Variants in TMEM108 observed in about 807,000 individuals in gnomAD.
TMEM108 encodes the protein transmembrane protein 108.
In TMEM108, 12 loss-of-function variants were observed where a neutral mutation model predicts 35.1. The ratio of observed to expected loss-of-function variants is 0.34; its 90% CI spans 0.22 to 0.55. TMEM108 has a LOEUF of 0.55. Ranked by LOEUF, TMEM108 falls within the 20% of genes least tolerant of loss-of-function variation. TMEM108 has a pLI of 0.89. For missense variants in TMEM108, 680 were observed against 753.3 expected (o/e 0.90, Z 1.14); for synonymous variants, 287 against 308.6 (o/e 0.93, Z 0.73).
intron 2 of TMEM108, among the ~76,000 whole-genome samples, chr3:133,218,782 A>G (rs1039862667): frequency 1.3e-5 from 2 of 152,030 alleles, no homozygotes; most frequent in Admixed American, 6.6e-5. Context: ...TTTGTTTGCA[A>G]GCATTTTGTT....
intron 3 of TMEM108, among the ~76,000 whole-genome samples, chr3:133,250,251 C>A (rs1010310452): frequency 1.3e-5 from 2 of 152,102 alleles, no homozygotes; most frequent in Non-Finnish European, 2.9e-5. Flanking sequence ...CCTAAGACAA[C>A]AAGACCAACC....
chr3:133,396,150 TA>T lies in TMEM108; in HGVS notation c.*178del, dbSNP rs5852749. ...CAACATCTTTTTTACAAGTGTGGTT[TA>T]AAAAAAAAAAAAACTTTACAGAATG... On this transcript the variant is annotated 3_prime_UTR_variant, in exon 6 of 6. Transcript: ENST00000321871. 0.77 allele frequency: 166,670 copies of T among 217,710 alleles called. 60,551 individuals are homozygous for T. The highest frequency in any genetic ancestry group is 0.89 in the Admixed American group (14,493 of 16,232). 13.5% of individuals were successfully genotyped at this position (217,710 alleles called of 1,614,324 possible).
At chr3:133,265,180 A>T (rs200363517) in intron 3 of TMEM108, among the ~76,000 whole-genome samples, 1 of 152,242 alleles carries the variant, frequency 6.6e-6, no homozygotes, top group Non-Finnish European at 1.5e-5. Flanking sequence ...TCTGCTAGGA[A>T]TCATCATAGC....
chr3:133,057,422 TGTG>T (rs1213891085), intron 2 of TMEM108, among the ~76,000 whole-genome samples: 1 of 43,982 alleles, frequency 2.3e-5, no homozygotes, highest in Non-Finnish European at 4.8e-5. Context: ...GGCTATTAGT[TGTG>T]TGTGTGTGTG....
At chr3:133,256,207 C>T (rs1348930197) in intron 3 of TMEM108, among the ~76,000 whole-genome samples, 3 of 152,022 alleles carry the variant, frequency 2.0e-5, no homozygotes, top group Non-Finnish European at 4.4e-5. Context: ...CAACCAGCAA[C>T]TTGGAATTAA....
chr3:133,095,163 T>C (rs1466198323), intron 2 of TMEM108, among the ~76,000 whole-genome samples: 1 of 152,208 alleles, frequency 6.6e-6, no homozygotes, highest in Non-Finnish European at 1.5e-5. Flanking sequence ...TAAAAATTTG[T>C]GTCTTAATAG....
chr3:133,180,486 T>C (rs1383509861), intron 2 of TMEM108, among the ~76,000 whole-genome samples: 1 of 152,134 alleles, frequency 6.6e-6, no homozygotes, highest in Non-Finnish European at 1.5e-5. Flanking sequence ...GTTTTTAGCA[T>C]TCTAGTCTTA....
At chr3:133,237,389 C>T (rs1946254166) in intron 3 of TMEM108, among the ~76,000 whole-genome samples, 2 of 148,394 alleles carry the variant, frequency 1.3e-5, no homozygotes, top group Admixed American at 1.3e-4. Context: ...CTTTAGAGAA[C>T]AGCTTTCTAT....
Position 133,058,410 on chromosome 3 carries a change from C to T in TMEM108, c.-47+12390C>T, listed in dbSNP as rs187995636. 1.9e-3 allele frequency among the ~76,000 whole-genome samples: 283 copies of T among 152,362 alleles called. 4 individuals are homozygous for T. Among genetic ancestry groups the T allele is most frequent in the African/African-American group, 6.6e-3 (276 of 41,578 alleles). On this transcript the variant is annotated intron_variant, in intron 2 of 5. Coordinates refer to ENST00000321871, the MANE Select transcript of TMEM108 (RefSeq NM_023943.4). ...ACTTGCCTCTTGCTCCTCTTCAAGC[C>T]TCAGACGGGAGCTCACCCCCAGCCT...
intron 2 of TMEM108, among the ~76,000 whole-genome samples, chr3:133,200,333 G>A (rs941586503): frequency 9.9e-5 from 15 of 152,168 alleles, no homozygotes; most frequent in Non-Finnish European, 1.0e-4. Context: ...TTGGAAATGC[G>A]GAACATGGGA....
intron 2 of TMEM108, among the ~76,000 whole-genome samples, chr3:133,171,740 T>G (rs1945133651): frequency 6.6e-6 from 1 of 152,196 alleles, no homozygotes; most frequent in African/African-American, 2.4e-5. Context: ...GAGCATAAAA[T>G]TTACTTAAAT....
chr3:133,299,967 TA>T (rs911416439), intron 3 of TMEM108, among the ~76,000 whole-genome samples: 2 of 152,064 alleles, frequency 1.3e-5, no homozygotes, highest in African/African-American at 4.8e-5. Context: ...TAAGAAGAAA[TA>T]GAAACAGCTG....
At chr3:133,273,571 G>T (rs1362914284) in intron 3 of TMEM108, among the ~76,000 whole-genome samples, 2 of 152,202 alleles carry the variant, frequency 1.3e-5, no homozygotes, top group Non-Finnish European at 2.9e-5. Flanking sequence ...ACTTTGGAGA[G>T]TCCCTTCTTC....
intron 2 of TMEM108, among the ~76,000 whole-genome samples, chr3:133,221,057 C>T (rs570818503): frequency 6.6e-6 from 1 of 152,266 alleles, no homozygotes; most frequent in East Asian, 1.9e-4. Context: ...TGGGGTATAC[C>T]ACCCTCTCAG....
chr3:133,109,074 C>A lies in TMEM108; in HGVS notation c.-47+63054C>A, dbSNP rs1307257827. ...GCAGGTGACCTCAGAGACTGTCATG[C>A]CTGTTTTGCTTTGCTTGGAGTTCAT... On this transcript the variant is annotated intron_variant, in intron 2 of 5. Transcript: ENST00000321871. Among the ~76,000 whole-genome samples the A allele has an allele frequency of 4.6e-5, 7 of 152,004 alleles. No homozygotes were observed. The East Asian group carries it at 1.4e-3, about 29-fold the overall frequency.
At chr3:133,063,867 C>T (rs1943564639) in intron 2 of TMEM108, among the ~76,000 whole-genome samples, 1 of 152,102 alleles carries the variant, frequency 6.6e-6, no homozygotes, top group African/African-American at 2.4e-5. Context: ...CATTCATTAC[C>T]CCTGTCCAGG....
At chr3:133,328,368 G>T (rs540998107) in intron 3 of TMEM108, among the ~76,000 whole-genome samples, 37 of 152,178 alleles carry the variant, frequency 2.4e-4, no homozygotes, top group Non-Finnish European at 5.0e-4. Context: ...TGTAAAAGTC[G>T]GGTTGGTGAG....
At chr3:133,098,679 C>T (rs1367312309) in intron 2 of TMEM108, among the ~76,000 whole-genome samples, 2 of 152,080 alleles carry the variant, frequency 1.3e-5, no homozygotes, top group Non-Finnish European at 2.9e-5. Context: ...GAGAAATTGG[C>T]CAAAACAAAG....
chr3:133,261,650 T>C (rs1446838275), intron 3 of TMEM108, among the ~76,000 whole-genome samples: 1 of 152,244 alleles, frequency 6.6e-6, no homozygotes, highest in East Asian at 1.9e-4. Flanking sequence ...TCATTGAATA[T>C]TTCCATTTTA....
Sources: gnomAD v4.1 joint callset for allele counts (sites outside exome capture counted in the v4.1 genomes callset) on GRCh38, gnomAD v4.1.1 for gene constraint, MANE v1.5 for transcripts, NCBI Gene and HGNC (gene_info 2026-07-23, HGNC 2026-07-21) for gene names.